Variants in TMEM117 observed in about 807,000 individuals in gnomAD.
TMEM117 encodes the protein transmembrane protein 117.
TMEM117 carries 27 observed loss-of-function variants against 52.4 expected under a neutral mutation model. The ratio of observed to expected loss-of-function variants is 0.51; its 90% CI spans 0.38 to 0.71. The LOEUF (loss-of-function observed/expected upper bound fraction) is 0.71, where lower values mean the gene tolerates loss of function less well. Among genes scored for constraint, TMEM117 ranks in the 30% least tolerant of loss-of-function variants. The probability of loss-of-function intolerance (pLI) is 0.00; values close to 1 mark genes in which losing one functional copy is unlikely to be tolerated. For missense variants in TMEM117, 556 were observed against 630.5 expected (o/e 0.88, Z 1.26); for synonymous variants, 215 against 206.3 (o/e 1.04, Z -0.36).
chr12:44,265,513 G>A (rs920065160), intron 5 of TMEM117, among the ~76,000 whole-genome samples: 4 of 152,180 alleles, frequency 2.6e-5, no homozygotes, highest in East Asian at 1.9e-4. Flanking sequence ...AGAGGGCAGA[G>A]CTTTGACTAG....
chr12:44,196,901 A>G (rs1374398518), intron 4 of TMEM117, among the ~76,000 whole-genome samples: 1 of 152,224 alleles, frequency 6.6e-6, no homozygotes, highest in Non-Finnish European at 1.5e-5. Flanking sequence ...TGGTTGAGTT[A>G]CCAGTCTTTT....
intron 3 of TMEM117, among the ~76,000 whole-genome samples, chr12:43,954,151 A>G (rs531339171): frequency 2.9e-4 from 44 of 152,322 alleles, no homozygotes; most frequent in African/African-American, 1.0e-3. Flanking sequence ...ATGCAGCTAA[A>G]GCAGTATTAA....
chr12:43,943,028 A>G (rs1419258080), intron 2 of TMEM117, among the ~76,000 whole-genome samples: 1 of 151,928 alleles, frequency 6.6e-6, no homozygotes, highest in Non-Finnish European at 1.5e-5. Context: ...AATACAAAAA[A>G]TTAGCCAGGC....
chr12:44,148,315 C>A (rs1189536686), intron 4 of TMEM117, among the ~76,000 whole-genome samples: 1 of 152,156 alleles, frequency 6.6e-6, no homozygotes, highest in Non-Finnish European at 1.5e-5. Context: ...CAAGCTTAAC[C>A]ACTAAAAATG....
At chr12:43,798,077 G>A in the TMEM117 span, among the ~76,000 whole-genome samples, 1 of 152,026 alleles carries the variant, frequency 6.6e-6, no homozygotes, top group Non-Finnish European at 1.5e-5. Context: ...GGTTTGGGTG[G>A]GTTTGTTTTT....
chr12:43,828,423 T>G, the TMEM117 span, among the ~76,000 whole-genome samples: 1 of 152,130 alleles, frequency 6.6e-6, no homozygotes, highest in Non-Finnish European at 1.5e-5. Context: ...AAGAAGGCAT[T>G]CCAGCCCCCC....
At chr12:44,079,527 G>A (rs1947443980) in intron 3 of TMEM117, among the ~76,000 whole-genome samples, 1 of 151,816 alleles carries the variant, frequency 6.6e-6, no homozygotes, top group Non-Finnish European at 1.5e-5. Flanking sequence ...AGAAGTGTCT[G>A]TTCATATCAT....
chr12:44,148,914 G>A (rs1948683240), intron 4 of TMEM117, among the ~76,000 whole-genome samples: 1 of 152,052 alleles, frequency 6.6e-6, no homozygotes, highest in Admixed American at 6.6e-5. Context: ...TATAAAGGTG[G>A]AAGGAGGTCA....
At chr12:43,845,773 A>G (rs1943196661) in intron 2 of TMEM117, among the ~76,000 whole-genome samples, 1 of 151,400 alleles carries the variant, frequency 6.6e-6, no homozygotes. Context: ...GCTCCCACCT[A>G]TGAGCAAGAA....
At chr12:44,039,047 C>T (rs553589974) in intron 3 of TMEM117, among the ~76,000 whole-genome samples, 1 of 152,230 alleles carries the variant, frequency 6.6e-6, no homozygotes, top group East Asian at 1.9e-4. Context: ...TTCAGTGTTT[C>T]TTTTGATAAA....
intron 3 of TMEM117, among the ~76,000 whole-genome samples, chr12:44,139,012 A>T (rs1452965492): frequency 6.6e-6 from 1 of 152,136 alleles, no homozygotes; most frequent in Non-Finnish European, 1.5e-5. Context: ...CTTTAGTTTT[A>T]GTGTGTTTAA....
chr12:44,306,203 C>T (rs1950901400), intron 6 of TMEM117, among the ~76,000 whole-genome samples: 1 of 151,692 alleles, frequency 6.6e-6, no homozygotes, highest in African/African-American at 2.4e-5. Context: ...ACAGGGCCAT[C>T]CATACCCCAA....
intron 7 of TMEM117, among the ~76,000 whole-genome samples, chr12:44,378,863 C>T (rs575063121): frequency 2.0e-5 from 3 of 152,252 alleles, no homozygotes; most frequent in Middle Eastern, 3.4e-3. Flanking sequence ...TTGGGGATGT[C>T]TCCTTTCTGA....
intron 2 of TMEM117, among the ~76,000 whole-genome samples, chr12:43,860,454 A>AGGGT (rs1943469660): frequency 6.6e-6 from 1 of 152,188 alleles, no homozygotes; most frequent in Non-Finnish European, 1.5e-5. Context: ...ATTATATCAG[A>AGGGT]GGGTGATAAA....
intron 3 of TMEM117, among the ~76,000 whole-genome samples, chr12:44,014,878 A>G (rs1946350119): frequency 6.6e-6 from 1 of 151,916 alleles, no homozygotes; most frequent in Non-Finnish European, 1.5e-5. Flanking sequence ...TGTGATCGGT[A>G]TGTGAAAATA....
chr12:44,003,242 G>A (rs959647368), intron 3 of TMEM117, among the ~76,000 whole-genome samples: 2 of 152,178 alleles, frequency 1.3e-5, no homozygotes, highest in African/African-American at 4.8e-5. Flanking sequence ...TCTTGGGAGT[G>A]GAGAAAAACC....
At chr12:44,395,967 T>C in the TMEM117 span, among the ~76,000 whole-genome samples, 1 of 152,212 alleles carries the variant, frequency 6.6e-6, no homozygotes, top group African/African-American at 2.4e-5. Flanking sequence ...CAGCCATGCC[T>C]CACACTTGGA....
intron 2 of TMEM117, among the ~76,000 whole-genome samples, chr12:43,863,833 T>C (rs1418279337): frequency 6.6e-6 from 1 of 152,148 alleles, no homozygotes; most frequent in Non-Finnish European, 1.5e-5. Flanking sequence ...CACTGCACCA[T>C]GGGAGCCCTT....
intron 1 of TMEM117, among the ~76,000 whole-genome samples, chr12:43,836,526 T>TA (rs1198027708): frequency 6.6e-6 from 1 of 152,104 alleles, no homozygotes; most frequent in East Asian, 1.9e-4. Flanking sequence ...TGTGCAGAGA[T>TA]ACGGCGGGAG....
Sources: gnomAD v4.1 joint callset for allele counts (sites outside exome capture counted in the v4.1 genomes callset) on GRCh38, gnomAD v4.1.1 for gene constraint, MANE v1.5 for transcripts, NCBI Gene and HGNC (gene_info 2026-07-23, HGNC 2026-07-21) for gene names.